NRG4: variants seen among roughly 807,000 people sequenced by gnomAD.
NRG4 encodes pro-neuregulin-4, membrane-bound isoform.
NRG4 carries 10 observed loss-of-function variants against 15.0 expected under a neutral mutation model. The ratio of observed to expected loss-of-function variants is 0.67; its 90% confidence interval spans 0.41 to 1.13. The LOEUF (loss-of-function observed/expected upper bound fraction) is 1.13. NRG4 is among the 50% of genes most tolerant of loss of function. The pLI is 0.00. For synonymous variants in NRG4, 41 were observed against 50.1 expected (o/e 0.82, Z 0.77); for missense variants, 139 against 140.2 (o/e 0.99, Z 0.04).
rs1232933786 is a variant in NRG4, at chr15:75,998,289, T to G, written c.104+10911A>C. Among the ~76,000 whole-genome samples, 5 of 152,242 alleles carry G rather than the reference T, an allele frequency of 3.3e-5. No homozygotes were observed. In the East Asian group the frequency reaches 9.6e-4, roughly 29 times the overall value. ...ATACAATGTAAAGTAAATTATATAG[T>G]ATGTTGGTAGATGGTAAGAGAGGAA... On this transcript the variant is annotated intron_variant, in intron 3 of 5. Coordinates refer to ENST00000394907, the MANE Select transcript of NRG4 (RefSeq NM_138573.4).
At chr15:75,974,509 C>G (rs1032233198) in intron 3 of NRG4, among the ~76,000 whole-genome samples, 1 of 152,122 alleles carries the variant, frequency 6.6e-6, no homozygotes, top group African/African-American at 2.4e-5. Flanking sequence ...CTATAAATTG[C>G]CCTCTAAACA....
At chr15:75,940,553 A>G (rs1334140287), downstream of NRG4, 7 of 152,004 alleles carry the variant, frequency 4.6e-5, no homozygotes, top group African/African-American at 1.7e-4. Context: ...AGAAAGAAGA[A>G]CAAATTGGAG....
chr15:75,956,089 T>G, intron 4 of NRG4, 78 bp from the exon 5 acceptor site: 2 of 781,132 alleles, frequency 2.6e-6, no homozygotes, highest in South Asian at 1.5e-5. Context: ...AAAGAAAGTT[T>G]TTTTTTTTTA....
At chr15:75,951,109 A>C (rs2031856237) in intron 5 of NRG4, 1 of 151,858 alleles carries the variant, frequency 6.6e-6, no homozygotes, top group South Asian at 2.1e-4. Flanking sequence ...CTCCAGCCTC[A>C]GATATCACAG....
chr15:76,029,482 C>A (rs1192618863), intron 5 of NRG4, among the ~76,000 whole-genome samples: 1 of 152,144 alleles, frequency 6.6e-6, no homozygotes, highest in Non-Finnish European at 1.5e-5. Flanking sequence ...AGGAGGAAAT[C>A]AAACTGTTCC....
intron 3 of NRG4, among the ~76,000 whole-genome samples, chr15:75,981,114 A>T (rs13379955): frequency 0.094 from 14,342 of 152,174 alleles, 1,681 homozygotes; most frequent in African/African-American, 0.28. Context: ...TCCCTTTGAA[A>T]CTCAGTGGCC....
At chr15:76,003,294 G>A (rs189788197) in intron 3 of NRG4, among the ~76,000 whole-genome samples, 12 of 152,124 alleles carry the variant, frequency 7.9e-5, no homozygotes, top group South Asian at 2.1e-4. Context: ...ATCAAAAATC[G>A]TGAGCTGCTA....
intron 2 of NRG4, among the ~76,000 whole-genome samples, chr15:76,009,953 A>C (rs916833834): frequency 7.9e-5 from 12 of 152,152 alleles, no homozygotes. Flanking sequence ...TATTAAGAAA[A>C]TAAACCTCTA....
At chr15:75,939,077 A>G (rs2030672752), downstream of NRG4, 1 of 152,162 alleles carries the variant, frequency 6.6e-6, no homozygotes, top group Non-Finnish European at 1.5e-5. Context: ...CAAAGCTAGC[A>G]GATGGAAGGA....
intron 5 of NRG4, among the ~76,000 whole-genome samples, chr15:76,028,903 C>CAGAAAAAAAAAAA (rs1167656818): frequency 1.8e-5 from 1 of 54,288 alleles, no homozygotes; most frequent in African/African-American, 6.7e-5. Context: ...ACTCCTCCTC[C>CAGAAAAAAAAAAA]AAAAAAAAAA....
intron 4 of NRG4, among the ~76,000 whole-genome samples, chr15:75,956,981 G>A (rs569447995): frequency 9.3e-5 from 14 of 151,252 alleles, no homozygotes; most frequent in Non-Finnish European, 1.9e-4. Context: ...CTGCTAATCC[G>A]GCAATTATAC....
chr15:75,976,163 G>A (rs368327209), intron 3 of NRG4, among the ~76,000 whole-genome samples: 1 of 151,944 alleles, frequency 6.6e-6, no homozygotes, highest in Non-Finnish European at 1.5e-5. Context: ...CGAAATTCTC[G>A]TGCTATGTTT....
intron 5 of NRG4, among the ~76,000 whole-genome samples, chr15:75,952,937 A>T (rs1451070951): frequency 1.3e-5 from 2 of 152,124 alleles, no homozygotes; most frequent in African/African-American, 4.8e-5. Context: ...ATGTATGATT[A>T]AAAAAATTTT....
intron 4 of NRG4, among the ~76,000 whole-genome samples, chr15:76,037,489 A>T (rs2035622292): frequency 6.6e-6 from 1 of 152,188 alleles, no homozygotes; most frequent in South Asian, 2.1e-4. Context: ...ACCCATCTAC[A>T]GAGGGAGCAT....
chr15:75,968,679 T>C (rs2141828365), intron 3 of NRG4, among the ~76,000 whole-genome samples: 1 of 151,618 alleles, frequency 6.6e-6, no homozygotes, highest in East Asian at 1.9e-4. Context: ...GGTGGGTAGA[T>C]GGCTTGAGGC....
At chr15:76,050,592 G>A (rs1360310098) in intron 4 of NRG4, among the ~76,000 whole-genome samples, 3 of 136,534 alleles carry the variant, frequency 2.2e-5, no homozygotes, top group Admixed American at 7.4e-5. Context: ...CACCACGCTC[G>A]GCTAATTTTT....
At chr15:75,967,669 C>G (rs1379501326) in intron 3 of NRG4, among the ~76,000 whole-genome samples, 2 of 151,926 alleles carry the variant, frequency 1.3e-5, no homozygotes, top group Non-Finnish European at 2.9e-5. Context: ...ACCATGTTGG[C>G]CAGGTGGGTC....
intron 5 of NRG4, among the ~76,000 whole-genome samples, chr15:75,944,868 G>A (rs905665420): frequency 2.6e-5 from 4 of 151,818 alleles, no homozygotes; most frequent in Non-Finnish European, 5.9e-5. Flanking sequence ...TGTCAGCTGA[G>A]CCTAATACCT....
intron 5 of NRG4, among the ~76,000 whole-genome samples, chr15:75,949,357 G>A (rs187273228): frequency 2.0e-5 from 3 of 150,134 alleles, no homozygotes; most frequent in Non-Finnish European, 4.4e-5. Flanking sequence ...GTTGCAGTAT[G>A]CTGAGGTCAT....
Sources: allele counts gnomAD v4.1 joint callset (sites outside exome capture counted in the v4.1 genomes callset), GRCh38; gene constraint gnomAD v4.1.1; transcripts MANE v1.5; gene names NCBI Gene and HGNC (gene_info 2026-07-23, HGNC 2026-07-21).